The following CACNA2D3 variants were observed in gnomAD, a reference collection of about 807,000 sequenced individuals.
CACNA2D3 encodes the protein calcium voltage-gated channel auxiliary subunit alpha2delta 3, also known as voltage-dependent calcium channel subunit alpha-2/delta-3.
A neutral mutation model predicts 160.6 loss-of-function variants in CACNA2D3; 60 were observed. The ratio of observed to expected loss-of-function variants is 0.37; its 90% CI spans 0.30 to 0.46. CACNA2D3 has a LOEUF of 0.46. CACNA2D3 is among the 20% of genes least tolerant of loss of function. CACNA2D3 has a pLI of 1.00. For missense variants in CACNA2D3, 1,205 were observed against 1,365.0 expected (o/e 0.88, Z 1.85); for synonymous variants, 558 against 492.9 (o/e 1.13, Z -1.75).
intron 11 of CACNA2D3, among the ~76,000 whole-genome samples, chr3:54,684,109 C>T (rs192007525): frequency 6.9e-4 from 105 of 151,840 alleles, no homozygotes; most frequent in Non-Finnish European, 9.7e-4. Context: ...TAGCACACGC[C>T]GCAACCATGC....
intron 11 of CACNA2D3, among the ~76,000 whole-genome samples, chr3:54,705,244 C>T (rs1157880391): frequency 1.3e-5 from 2 of 152,184 alleles, no homozygotes; most frequent in African/African-American, 4.8e-5. Context: ...CTTTCTCCTT[C>T]TCTAGGGGTC....
intron 4 of CACNA2D3, among the ~76,000 whole-genome samples, chr3:54,442,987 G>A (rs1700167761): frequency 6.6e-6 from 1 of 152,144 alleles, no homozygotes; most frequent in African/African-American, 2.4e-5. Context: ...ACATCTCCCT[G>A]GGTCTGCCTT....
At chr3:54,478,007 T>A (rs547433409) in intron 4 of CACNA2D3, among the ~76,000 whole-genome samples, 1 of 152,278 alleles carries the variant, frequency 6.6e-6, no homozygotes, top group East Asian at 1.9e-4. Context: ...TCTTCAACAT[T>A]TTCCTCATTT....
intron 17 of CACNA2D3, among the ~76,000 whole-genome samples, chr3:54,855,734 A>G (rs1451868156): frequency 6.6e-6 from 1 of 152,166 alleles, no homozygotes; most frequent in Non-Finnish European, 1.5e-5. Flanking sequence ...GAGAATTTCC[A>G]TATTCCCTTC....
At chr3:54,276,271 A>G (rs1702736902) in intron 2 of CACNA2D3, among the ~76,000 whole-genome samples, 1 of 152,118 alleles carries the variant, frequency 6.6e-6, no homozygotes, top group African/African-American at 2.4e-5. Flanking sequence ...GCAGTTTGAT[A>G]AGAAAACGAA....
intron 4 of CACNA2D3, among the ~76,000 whole-genome samples, chr3:54,420,929 A>G (rs548027356): frequency 7.3e-4 from 111 of 152,226 alleles, no homozygotes; most frequent in Non-Finnish European, 1.5e-3. Flanking sequence ...GGAAGTTGTA[A>G]TAAATTTGGA....
chr3:54,465,783 T>C (rs1012579725), intron 4 of CACNA2D3, among the ~76,000 whole-genome samples: 5 of 152,218 alleles, frequency 3.3e-5, no homozygotes, highest in African/African-American at 9.6e-5. Context: ...TAATAACTGA[T>C]TCATTATTTC....
intron 37 of CACNA2D3, 98 bp from the exon 38 acceptor site, chr3:55,074,016 C>T (rs1325129985): frequency 5.1e-6 from 6 of 1,181,042 alleles, no homozygotes; most frequent in Non-Finnish European, 6.3e-6. Flanking sequence ...TCCCAGAAGA[C>T]TTCGTTCTTA....
intron 11 of CACNA2D3, among the ~76,000 whole-genome samples, chr3:54,736,411 A>G (rs958170530): frequency 4.6e-5 from 7 of 151,980 alleles, no homozygotes; most frequent in African/African-American, 1.5e-4. Flanking sequence ...ATTTCTTTAT[A>G]TGATTGTTTC....
chr3:54,708,758 G>A lies in CACNA2D3; in HGVS notation c.1168-43841G>A, dbSNP rs151059692. 9.5e-4 allele frequency among the ~76,000 whole-genome samples: 144 copies of A among 152,312 alleles called. 1 individual carries two copies. The highest frequency in any genetic ancestry group is 3.4e-3 in the Middle Eastern group (1 of 294). The stretch of plus-strand genomic sequence containing the variant: ...TCCTCCAACACCTGAATTCATGGTG[G>A]AGGGGTGAGACCCTGACAAGCCTTG... On this transcript the variant is annotated intron_variant, in intron 11 of 37. Coordinates refer to ENST00000474759, the MANE Select transcript of CACNA2D3 (RefSeq NM_018398.3).
At chr3:54,408,956 CAT>C (rs1407354623) in intron 4 of CACNA2D3, among the ~76,000 whole-genome samples, 1 of 152,164 alleles carries the variant, frequency 6.6e-6, no homozygotes, top group Admixed American at 6.5e-5. Context: ...TATAATATAA[CAT>C]GAACAGGAGC....
At chr3:54,783,162 T>G (rs912936338) in intron 13 of CACNA2D3, among the ~76,000 whole-genome samples, 5 of 152,160 alleles carry the variant, frequency 3.3e-5, no homozygotes, top group African/African-American at 9.7e-5. Flanking sequence ...TGCATACGTG[T>G]GTGTCCTCTG....
chr3:54,838,732 C>T (rs1268132089), intron 16 of CACNA2D3, 84 bp downstream of exon 16: 2 of 1,003,272 alleles, frequency 2.0e-6, no homozygotes, highest in African/African-American at 1.6e-5. Context: ...TCAAACTCTA[C>T]TTTGGAGCGA....
chr3:54,721,762 C>CAAAAA (rs34393649), intron 11 of CACNA2D3, among the ~76,000 whole-genome samples: 3 of 106,294 alleles, frequency 2.8e-5, no homozygotes, highest in Non-Finnish European at 3.8e-5. Context: ...AACTCCATCT[C>CAAAAA]AAAAAAAAAA....
intron 10 of CACNA2D3, among the ~76,000 whole-genome samples, 172 bp downstream of exon 10, chr3:54,628,048 C>A (rs183204806): frequency 6.6e-6 from 1 of 151,970 alleles, no homozygotes; most frequent in East Asian, 1.9e-4. Flanking sequence ...CTGGCTAACA[C>A]GGTGAAACCC....
intron 11 of CACNA2D3, among the ~76,000 whole-genome samples, chr3:54,667,147 T>C (rs745642550): frequency 6.6e-6 from 1 of 152,152 alleles, no homozygotes; most frequent in Non-Finnish European, 1.5e-5. Context: ...ACAGTATAAC[T>C]GGTACATGAA....
At chr3:54,700,088 A>G (rs1461366207) in intron 11 of CACNA2D3, among the ~76,000 whole-genome samples, 1 of 152,206 alleles carries the variant, frequency 6.6e-6, no homozygotes, top group African/African-American at 2.4e-5. Context: ...CTACCTAGTC[A>G]TAGCCCCTGG....
At chr3:54,904,716 G>A (rs1559624003) in intron 27 of CACNA2D3, among the ~76,000 whole-genome samples, 1 of 152,132 alleles carries the variant, frequency 6.6e-6, no homozygotes, top group South Asian at 2.1e-4. Context: ...AGCGATACTG[G>A]ATAAATACAT....
At chr3:54,142,887 CTGCATTTGTGGAGT>C (rs928897536) in intron 2 of CACNA2D3, among the ~76,000 whole-genome samples, 43 of 152,300 alleles carry the variant, frequency 2.8e-4, no homozygotes, top group African/African-American at 9.9e-4. Context: ...CTCTCATGGC[CTGCATTTGTGGAGT>C]TGTATCTGTG....
Sources: gnomAD v4.1 joint callset for allele counts (sites outside exome capture counted in the v4.1 genomes callset) on GRCh38, gnomAD v4.1.1 for gene constraint, MANE v1.5 for transcripts, NCBI Gene and HGNC (gene_info 2026-07-23, HGNC 2026-07-21) for gene names.